The following TMEM114 variants were observed in gnomAD, a reference collection of about 807,000 sequenced individuals.
TMEM114 encodes claudin-26.
TMEM114 carries 6 observed loss-of-function variants against 6.2 expected under a neutral mutation model. The ratio of observed to expected loss-of-function variants is 0.97; its 90% CI spans 0.53 to 1.91. The LOEUF (loss-of-function observed/expected upper bound fraction) is 1.91, where lower values mean the gene tolerates loss of function less well. Ranked by LOEUF, TMEM114 falls within the 40% of genes most tolerant of loss-of-function variation. The pLI is 0.01. For synonymous variants in TMEM114, 104 were observed against 73.0 expected (o/e 1.42, Z -2.16); for missense variants, 218 against 158.3 (o/e 1.38, Z -2.02).
intron 2 of TMEM114, among the ~76,000 whole-genome samples, chr16:8,575,677 G>T (rs1410534442): frequency 6.6e-6 from 1 of 152,108 alleles, no homozygotes; most frequent in Non-Finnish European, 1.5e-5. Context: ...CAGCTAAATG[G>T]GAATACTAAG....
intron 2 of TMEM114, among the ~76,000 whole-genome samples, chr16:8,581,942 C>T (rs1261993091): frequency 6.6e-6 from 1 of 152,202 alleles, no homozygotes; most frequent in Non-Finnish European, 1.5e-5. Context: ...GAGAGTTCCT[C>T]CCTCCTGGGC....
At chr16:8,561,321 C>G (rs1383495568) in intron 2 of TMEM114, among the ~76,000 whole-genome samples, 2 of 152,194 alleles carry the variant, frequency 1.3e-5, no homozygotes, top group Non-Finnish European at 2.9e-5. Flanking sequence ...AAAGACTGGA[C>G]AGGACATTAT....
chr16:8,575,218 C>G (rs1246644377), intron 2 of TMEM114, among the ~76,000 whole-genome samples: 2 of 152,190 alleles, frequency 1.3e-5, no homozygotes, highest in African/African-American at 2.4e-5. Context: ...CTGGACCACT[C>G]TGAGCCTCAT....
chr16:8,547,115 G>C (rs751841057), intron 2 of TMEM114, among the ~76,000 whole-genome samples: 1 of 152,176 alleles, frequency 6.6e-6, no homozygotes, highest in Non-Finnish European at 1.5e-5. Flanking sequence ...TTGAGGGATC[G>C]TGTGGTCTCA....
chr16:8,558,579 G>T (rs954850371), intron 2 of TMEM114, among the ~76,000 whole-genome samples: 1 of 152,176 alleles, frequency 6.6e-6, no homozygotes, highest in Non-Finnish European at 1.5e-5. Context: ...TATAGGTAGT[G>T]AAGTTACAAT....
chr16:8,553,239 C>A (rs1417943532), intron 2 of TMEM114, among the ~76,000 whole-genome samples: 4 of 152,208 alleles, frequency 2.6e-5, no homozygotes, highest in African/African-American at 9.6e-5. Context: ...GAATCAAGAC[C>A]TGTGATTTAA....
chr16:8,564,299 G>GAGTC, intron 2 of TMEM114, among the ~76,000 whole-genome samples: 1 of 147,090 alleles, frequency 6.8e-6, no homozygotes, highest in Non-Finnish European at 1.5e-5. Flanking sequence ...ATAAGTGAAT[G>GAGTC]AGTGATGAAA....
At chr16:8,547,778 C>T (rs747726711) in intron 2 of TMEM114, among the ~76,000 whole-genome samples, 21 of 152,074 alleles carry the variant, frequency 1.4e-4, no homozygotes, top group Non-Finnish European at 2.9e-4. Context: ...AGTGAAGTCT[C>T]GGGGAAGTGC....
chr16:8,546,439 C>T (rs1446962291), intron 2 of TMEM114, among the ~76,000 whole-genome samples: 1 of 152,120 alleles, frequency 6.6e-6, no homozygotes, highest in Non-Finnish European at 1.5e-5. Context: ...TAAAGATGAA[C>T]CCTGACCCAA....
downstream of TMEM114, among the ~76,000 whole-genome samples, chr16:8,565,877 C>G (rs184932243): frequency 8.4e-4 from 128 of 152,242 alleles, 1 homozygote; most frequent in Non-Finnish European, 1.2e-4. Context: ...TAAATAGGAC[C>G]CCCACGTGAT....
intron 2 of TMEM114, among the ~76,000 whole-genome samples, chr16:8,538,175 C>G (rs1900416709): frequency 7.0e-6 from 1 of 143,720 alleles, no homozygotes; most frequent in South Asian, 2.3e-4. Context: ...CATGGTGGTG[C>G]CTGCTTGTAG....
At chr16:8,564,047 G>C (rs377766052) in intron 2 of TMEM114, among the ~76,000 whole-genome samples, 22 of 151,378 alleles carry the variant, frequency 1.5e-4, no homozygotes, top group African/African-American at 5.4e-4. Flanking sequence ...CTGAATGAGT[G>C]AGTGAATGAG....
At chr16:8,580,595 TCA>T (rs1266342640) in intron 2 of TMEM114, among the ~76,000 whole-genome samples, 1 of 152,116 alleles carries the variant, frequency 6.6e-6, no homozygotes, top group Non-Finnish European at 1.5e-5. Flanking sequence ...TGTAAATGAC[TCA>T]GTGTGCATCT....
intron 2 of TMEM114, among the ~76,000 whole-genome samples, chr16:8,557,648 G>T (rs146835419): frequency 2.6e-5 from 4 of 152,186 alleles, no homozygotes; most frequent in African/African-American, 9.7e-5. Context: ...CAGCAGCCTT[G>T]GTCCCTTTTC....
At chr16:8,535,846 T>C (rs1016741241), downstream of TMEM114, among the ~76,000 whole-genome samples, 1 of 152,186 alleles carries the variant, frequency 6.6e-6, no homozygotes, top group African/African-American at 2.4e-5. Context: ...ACAATACCCA[T>C]GTTTTAGCCC....
intron 2 of TMEM114, among the ~76,000 whole-genome samples, chr16:8,543,624 TC>T (rs1471043335): frequency 6.6e-6 from 1 of 152,096 alleles, no homozygotes; most frequent in African/African-American, 2.4e-5. Context: ...TCCAGAGCCT[TC>T]CTTTCTCAAT....
At chr16:8,580,848 G>A (rs139592410) in intron 2 of TMEM114, among the ~76,000 whole-genome samples, 304 of 151,964 alleles carry the variant, frequency 2.0e-3, no homozygotes, top group African/African-American at 6.8e-3. Flanking sequence ...ATGCCACCAC[G>A]TCCGGCTAAT....
intron 2 of TMEM114, among the ~76,000 whole-genome samples, chr16:8,583,507 G>A (rs557847739): frequency 2.0e-5 from 3 of 152,178 alleles, no homozygotes; most frequent in Non-Finnish European, 4.4e-5. Flanking sequence ...CACTTTGGGA[G>A]GCCAAGGCAG....
At chr16:8,587,931 C>G (rs1183539552) in intron 2 of TMEM114, among the ~76,000 whole-genome samples, 2 of 151,990 alleles carry the variant, frequency 1.3e-5, no homozygotes, top group Non-Finnish European at 2.9e-5. Context: ...AGGAACATCA[C>G]TTGACCCAGG....
Sources: allele counts gnomAD v4.1 joint callset (sites outside exome capture counted in the v4.1 genomes callset), GRCh38; gene constraint gnomAD v4.1.1; transcripts MANE v1.5; gene names NCBI Gene and HGNC (gene_info 2026-07-23, HGNC 2026-07-21).